The following C12orf76 variants were observed in gnomAD, a reference collection of about 807,000 sequenced individuals.
C12orf76 encodes the protein uncharacterized protein C12orf76.
A neutral mutation model predicts 6.8 loss-of-function variants in C12orf76; 6 were observed. The observed-to-expected ratio is 0.88, with a 90% CI of 0.48 to 1.73. The LOEUF (loss-of-function observed/expected upper bound fraction) is 1.73, where lower values mean the gene tolerates loss of function less well. Among genes scored for constraint, C12orf76 ranks in the 40% most tolerant of loss-of-function variants. C12orf76 has a pLI of 0.01. For synonymous variants in C12orf76, 56 were observed against 43.7 expected (o/e 1.28, Z -1.11); for missense variants, 99 against 98.2 (o/e 1.01, Z -0.03).
At chr12:110,065,993 A>G (rs1454084937) in exon 2 of C12orf76, 6 of 1,610,510 alleles carry the variant, frequency 3.7e-6, no homozygotes, top group African/African-American at 1.3e-5. Flanking sequence ...GAACTGGGTC[A>G]TCTCTGACCT....
chr12:110,072,269 A>T (rs1892968477), upstream of C12orf76, among the ~76,000 whole-genome samples: 1 of 152,104 alleles, frequency 6.6e-6, no homozygotes, highest in South Asian at 2.1e-4. Flanking sequence ...TCTAAAAAAA[A>T]AAAAAAAGTA....
chr12:110,047,306 G>C (rs1382389773), intron 1 of C12orf76, among the ~76,000 whole-genome samples: 1 of 152,146 alleles, frequency 6.6e-6, no homozygotes, highest in Non-Finnish European at 1.5e-5. Context: ...CCCCCAAACA[G>C]GTTCTAGTAT....
At chr12:110,059,294 T>A (rs910435966) in intron 2 of C12orf76, 1 of 1,137,114 alleles carries the variant, frequency 8.8e-7, no homozygotes, top group Non-Finnish European at 1.2e-6. Flanking sequence ...TCTCCATATA[T>A]GGGATTGTGC....
At chr12:110,046,428 A>G (rs1241214440) in intron 1 of C12orf76, among the ~76,000 whole-genome samples, 1 of 152,248 alleles carries the variant, frequency 6.6e-6, no homozygotes, top group African/African-American at 2.4e-5. Context: ...CTCCATCTCA[A>G]AAAAATAAAT....
intron 1 of C12orf76, among the ~76,000 whole-genome samples, chr12:110,047,123 T>G (rs1019557280): frequency 1.3e-5 from 2 of 152,134 alleles, no homozygotes; most frequent in African/African-American, 4.8e-5. Context: ...GATATACAGA[T>G]GTACCAAGGA....
chr12:110,073,612 C>A, exon 1 of C12orf76: 1 of 436,510 alleles, frequency 2.3e-6, no homozygotes, highest in South Asian at 1.7e-5. Flanking sequence ...CCACAGCAAG[C>A]CCCCTCCCAG....
chr12:110,057,456 A>AG (rs1892689221), intron 3 of C12orf76, among the ~76,000 whole-genome samples: 1 of 152,164 alleles, frequency 6.6e-6, no homozygotes, highest in African/African-American at 2.4e-5. Flanking sequence ...GGCACGGAGA[A>AG]GCTGAGCATG....
At chr12:110,043,363 G>C (rs774757740) in intron 1 of C12orf76, among the ~76,000 whole-genome samples, 3 of 141,554 alleles carry the variant, frequency 2.1e-5, no homozygotes, top group Non-Finnish European at 3.0e-5. Flanking sequence ...GACATCATCT[G>C]ATTTAGTCGG....
chr12:110,069,653 G>C (rs906224185), upstream of C12orf76, among the ~76,000 whole-genome samples: 2 of 152,136 alleles, frequency 1.3e-5, no homozygotes, highest in South Asian at 2.1e-4. Context: ...TGAAAATTAT[G>C]TACCTAGATT....
rs952344725 is a variant in C12orf76, at chr12:110,048,387, C to T, written c.109G>A (p.Ala37Thr). The part of the protein sequence containing the change: ...VDPLERSRPY[A>T]VLRGQNLVLM... ...CCCAGGTTCTGCCCTCGCAGCACCG[C>T]GTACGGCCGGCTCCGCTCCAGCGGA... The change falls in exon 1 of 2, where the codon GCG (alanine) becomes ACG (threonine). Residue 37 changes from alanine to threonine, a missense_variant. Physicochemically the swap from Ala to Thr is moderately conservative, Grantham distance 58 (BLOSUM62 0). Transcript: ENST00000615315. 1.3e-5 allele frequency: 20 copies of T among 1,515,572 alleles called. No homozygotes were observed. Among genetic ancestry groups the T allele is most frequent in the Non-Finnish European group, 1.8e-5 (20 of 1,137,168 alleles). The allele number at this position is 1,515,572 out of a possible 1,614,324, so 93.9% of individuals were successfully genotyped here.
upstream of C12orf76, among the ~76,000 whole-genome samples, chr12:110,068,996 A>G (rs1211994097): frequency 2.0e-5 from 3 of 152,340 alleles, no homozygotes; most frequent in East Asian, 5.8e-4. Context: ...GTGAGACTCC[A>G]TTTGGTGAGA....
intron 1 of C12orf76, among the ~76,000 whole-genome samples, chr12:110,046,373 C>T (rs946953105): frequency 1.3e-5 from 2 of 152,242 alleles, no homozygotes; most frequent in Non-Finnish European, 2.9e-5. Flanking sequence ...CTGCAGTGAG[C>T]TGAGACCGCA....
At position 110,048,511 on chromosome 12, in the gene C12orf76, A is replaced by G; in HGVS notation, c.-16T>C. 7.1e-7 allele frequency: 1 copy of G among 1,403,960 alleles called. No individual in the cohort carries two copies. The highest frequency in any genetic ancestry group is 1.5e-5 in the African/African-American group (1 of 66,290). The allele number at this position is 1,403,960 out of a possible 1,614,324, so 87.0% of individuals were successfully genotyped here. On this transcript the variant is annotated 5_prime_UTR_variant, in exon 1 of 2. Transcript: ENST00000615315. ...GACGCAGCATCTTCCCCAGCCCTGC[A>G]GAAGCAGAGAGGCCACTTCCGTCGC...
intron 1 of C12orf76, 150 bp downstream of exon 1, chr12:110,048,213 G>C (rs867852676): frequency 9.8e-7 from 1 of 1,016,956 alleles, no homozygotes; most frequent in African/African-American, 1.7e-5. Flanking sequence ...AGGGAGTCTC[G>C]GGGCCCCCTG....
chr12:110,043,185 C>T (rs1566071108), intron 1 of C12orf76, among the ~76,000 whole-genome samples: 1 of 152,024 alleles, frequency 6.6e-6, no homozygotes, highest in Non-Finnish European at 1.5e-5. Context: ...GCCCAATACA[C>T]TCAGTGAACA....
chr12:110,065,897 T>C, exon 2 of C12orf76: 1 of 1,614,168 alleles, frequency 6.2e-7, no homozygotes, highest in Non-Finnish European at 8.5e-7. Context: ...GTTCCTCTTT[T>C]GTGCTTCCAG....
At chr12:110,059,461 T>C (rs1892732192) in intron 2 of C12orf76, among the ~76,000 whole-genome samples, 1 of 152,234 alleles carries the variant, frequency 6.6e-6, no homozygotes, top group Non-Finnish European at 1.5e-5. Flanking sequence ...TCAGGAAGAA[T>C]GCACTCAGGC....
Position 110,058,060 on chromosome 12 carries a change from G to A in C12orf76, n.557-764C>T, listed in dbSNP as rs1360754469. Among the ~76,000 whole-genome samples, 4 of 110,358 alleles carry A rather than the reference G, an allele frequency of 3.6e-5. 1 individual carries two copies. In the South Asian group the frequency reaches 8.6e-4, roughly 24 times the overall value. 72.4% of individuals were successfully genotyped at this position (110,358 alleles called of 152,430 possible). Reference sequence around the variant, plus strand: ...CAGCCTGAGCAACAGAGAGAGACTCGGTCTCAAAAAAAAAAAAAAAAAAAA... The same window carrying A: ...CAGCCTGAGCAACAGAGAGAGACTCAGTCTCAAAAAAAAAAAAAAAAAAAA... On this transcript the variant is annotated intron_variant and non_coding_transcript_variant, in intron 3 of 4. Transcript: ENST00000309050.
chr12:110,044,369 AC>A (rs34960779), intron 1 of C12orf76: 1 of 152,006 alleles, frequency 6.6e-6, no homozygotes, highest in African/African-American at 2.4e-5. Flanking sequence ...ACATGGTGAA[AC>A]CCCATCTCTA....
Sources: allele counts gnomAD v4.1 joint callset (sites outside exome capture counted in the v4.1 genomes callset), GRCh38; gene constraint gnomAD v4.1.1; transcripts MANE v1.5; gene names NCBI Gene and HGNC (gene_info 2026-07-23, HGNC 2026-07-21).